The following LRP1B variants were observed in gnomAD, a reference collection of about 807,000 sequenced individuals.
LRP1B encodes low-density lipoprotein receptor-related protein 1B.
LRP1B carries 217 observed loss-of-function variants against 556.6 expected under a neutral mutation model. The observed-to-expected ratio is 0.39, with a 90% CI of 0.35 to 0.44. The LOEUF (loss-of-function observed/expected upper bound fraction) is 0.44. Among genes scored for constraint, LRP1B ranks in the 20% least tolerant of loss-of-function variants. LRP1B has a pLI of 1.00. For missense variants in LRP1B, 5,053 were observed against 5,620.8 expected (o/e 0.90, Z 3.23); for synonymous variants, 2,047 against 1,865.8 (o/e 1.10, Z -2.50).
chr2:141,764,805 C>T lies in LRP1B; in HGVS notation c.205+45474G>A, dbSNP rs183714396. Among the ~76,000 whole-genome samples, 159 of 152,154 alleles carry T rather than the reference C, an allele frequency of 1.0e-3. 2 individuals are homozygous for T. Among genetic ancestry groups the T allele is most frequent in the Middle Eastern group, 6.8e-3 (2 of 294 alleles). ...ATGAACTTAAGTGAAAAAAAATTCA[C>T]ACACAAAATAGTGTGCATACTTATA... On this transcript the variant is annotated intron_variant, in intron 2 of 90. Transcript: ENST00000389484.
At chr2:141,570,661 T>C (rs904770204) in intron 2 of LRP1B, among the ~76,000 whole-genome samples, 2 of 151,018 alleles carry the variant, frequency 1.3e-5, no homozygotes, top group East Asian at 3.9e-4. Flanking sequence ...AGCTCCCCGG[T>C]TGGGGGAAGG....
At chr2:141,749,127 C>T (rs1694016548) in intron 2 of LRP1B, among the ~76,000 whole-genome samples, 1 of 152,020 alleles carries the variant, frequency 6.6e-6, no homozygotes, top group African/African-American at 2.4e-5. Flanking sequence ...AATAAACTCC[C>T]CAAATATTCC....
chr2:141,699,638 G>T (rs1377786999), intron 2 of LRP1B, among the ~76,000 whole-genome samples: 1 of 151,298 alleles, frequency 6.6e-6, no homozygotes, highest in African/African-American at 2.4e-5. Flanking sequence ...GCTTCTGTAT[G>T]GTGGCATAGC....
At chr2:141,274,322 A>G (rs1268150233) in intron 3 of LRP1B, among the ~76,000 whole-genome samples, 2 of 152,222 alleles carry the variant, frequency 1.3e-5, no homozygotes, top group African/African-American at 2.4e-5. Context: ...CAATGGATAA[A>G]TAGGTAAACA....
At chr2:140,522,374 C>T (rs2380881) in intron 49 of LRP1B, among the ~76,000 whole-genome samples, 141,952 of 152,044 alleles carry the variant, frequency 0.93, 66,995 homozygotes, top group East Asian at 1. Context: ...TTATTTGAAA[C>T]AAATGAAAGC....
chr2:140,781,474 T>A (rs1689695059), intron 32 of LRP1B, among the ~76,000 whole-genome samples: 1 of 152,194 alleles, frequency 6.6e-6, no homozygotes, highest in Admixed American at 6.5e-5. Context: ...CTTACAATAT[T>A]CATTAATCCA....
rs148752238 is a variant in LRP1B, at chr2:141,597,208, C to T, written c.206-116675G>A. On this transcript the variant is annotated intron_variant, in intron 2 of 90. Transcript: ENST00000389484. Reference sequence around the variant, plus strand: ...ACCAGTTTGAAGCAAAATTCACACACGATAATATTTCTTGGGTTTTCTCTC... The same window carrying T: ...ACCAGTTTGAAGCAAAATTCACACATGATAATATTTCTTGGGTTTTCTCTC... Among the ~76,000 whole-genome samples the T allele has an allele frequency of 2.1e-4, 32 of 152,064 alleles. No homozygotes were observed. The East Asian group carries it at 5.8e-3, about 28-fold the overall frequency.
chr2:140,531,670 A>G (rs1046436217), intron 47 of LRP1B, among the ~76,000 whole-genome samples: 4 of 152,096 alleles, frequency 2.6e-5, no homozygotes, highest in Non-Finnish European at 5.9e-5. Context: ...AACTGTTTAC[A>G]TTCACTGTCT....
intron 43 of LRP1B, among the ~76,000 whole-genome samples, chr2:140,557,821 T>C (rs947738794): frequency 1.3e-5 from 2 of 152,156 alleles, no homozygotes; most frequent in African/African-American, 4.8e-5. Context: ...CTTGCCTCTC[T>C]TTACTATACC....
intron 3 of LRP1B, among the ~76,000 whole-genome samples, chr2:141,329,643 CAAA>C (rs71391650): frequency 6.9e-5 from 2 of 28,974 alleles, no homozygotes; most frequent in Admixed American, 2.8e-4. Context: ...GACTCTGTCT[CAAA>C]AAAAAAAAAA....
chr2:142,055,120 T>A (rs1018893591), intron 1 of LRP1B, among the ~76,000 whole-genome samples: 1 of 152,104 alleles, frequency 6.6e-6, no homozygotes, highest in Admixed American at 6.6e-5. Context: ...CAAGACAGAA[T>A]GTTTTTCTCC....
chr2:141,038,039 T>C (rs1698587387), intron 11 of LRP1B, among the ~76,000 whole-genome samples: 1 of 152,000 alleles, frequency 6.6e-6, no homozygotes, highest in Non-Finnish European at 1.5e-5. Flanking sequence ...TTTACCACTG[T>C]TACCTCTTCC....
chr2:140,706,736 T>C (rs1686851679), intron 37 of LRP1B, among the ~76,000 whole-genome samples: 2 of 152,128 alleles, frequency 1.3e-5, no homozygotes, highest in East Asian at 3.9e-4. Flanking sequence ...AAACCCTTAA[T>C]GGACCCTGAA....
At chr2:141,588,664 CTGGGCCTGCCACAAGAAGT>C (rs1264506437) in intron 2 of LRP1B, among the ~76,000 whole-genome samples, 1 of 152,150 alleles carries the variant, frequency 6.6e-6, no homozygotes, top group Non-Finnish European at 1.5e-5. Flanking sequence ...GACACTAGCA[CTGGGCCTGCCACAAGAAGT>C]TGTATGTTCT....
At chr2:140,429,161 G>C (rs1053813672) in intron 66 of LRP1B, among the ~76,000 whole-genome samples, 1 of 152,076 alleles carries the variant, frequency 6.6e-6, no homozygotes, top group African/African-American at 2.4e-5. Flanking sequence ...AAAGATTAAA[G>C]CCTGTTATCA....
At chr2:141,414,848 A>T (rs1377644681) in intron 3 of LRP1B, among the ~76,000 whole-genome samples, 1 of 152,184 alleles carries the variant, frequency 6.6e-6, no homozygotes, top group Non-Finnish European at 1.5e-5. Context: ...AGAACCCTAA[A>T]TGTTCAACAG....
intron 71 of LRP1B, among the ~76,000 whole-genome samples, chr2:140,365,510 A>C (rs1682719318): frequency 6.6e-6 from 1 of 151,704 alleles, no homozygotes; most frequent in African/African-American, 2.4e-5. Flanking sequence ...ATATGTCTAG[A>C]GATGTAGCAA....
At chr2:141,591,581 GGT>G (rs72043982) in intron 2 of LRP1B, among the ~76,000 whole-genome samples, 33,669 of 148,098 alleles carry the variant, frequency 0.23, 4,066 homozygotes, top group African/African-American at 0.33. Context: ...ACTGCAGAGT[GGT>G]GTGTGTGTGT....
At chr2:141,639,414 A>ATG (rs2105361692) in intron 2 of LRP1B, among the ~76,000 whole-genome samples, 1 of 135,882 alleles carries the variant, frequency 7.4e-6, no homozygotes, top group East Asian at 2.2e-4. Flanking sequence ...ATGTGTATAT[A>ATG]TATATATATT....
Sources: gnomAD v4.1 joint callset for allele counts (sites outside exome capture counted in the v4.1 genomes callset) on GRCh38, gnomAD v4.1.1 for gene constraint, MANE v1.5 for transcripts, NCBI Gene and HGNC (gene_info 2026-07-23, HGNC 2026-07-21) for gene names.